KRTAP1-5: variants seen among roughly 807,000 people sequenced by gnomAD.
KRTAP1-5 encodes the protein keratin associated protein 1-5, also known as keratin-associated protein 1-5.
In KRTAP1-5, 10 loss-of-function variants were observed where a neutral mutation model predicts 14.2. The observed-to-expected ratio is 0.70, with a 90% CI of 0.43 to 1.19. The LOEUF is 1.19. KRTAP1-5 is among the 50% of genes most tolerant of loss of function. KRTAP1-5 has a pLI of 0.00. For missense variants in KRTAP1-5, 234 were observed against 223.5 expected, an observed-to-expected ratio of 1.05 and a Z score of -0.30; for synonymous variants, 107 against 80.2, an observed-to-expected ratio of 1.33 and a Z score of -1.79.
chr17:41,026,537 A>G lies in KRTAP1-5; in HGVS notation c.*94T>C. The G allele has an allele frequency of 7.4e-7, 1 of 1,360,042 alleles. No individual in the cohort carries two copies. The highest frequency in any genetic ancestry group is 1.0e-6 in the Non-Finnish European group (1 of 992,142). The allele number at this position is 1,360,042 out of a possible 1,614,324, so 84.2% of individuals were successfully genotyped here. On this transcript the variant is annotated 3_prime_UTR_variant, in exon 1 of 1. Transcript: ENST00000361883. ...GTAGTCTCCATCACAAGCAATGCAA[A>G]GTCTGAGAACTTGTTAGTGGTCCAG...
chr17:41,027,053 A>G lies in KRTAP1-5; in HGVS notation c.103T>C (p.Cys35Arg), dbSNP rs750305532. The change falls in exon 1 of 1, where the codon TGC (cysteine) becomes CGC (arginine). Residue 35 changes from cysteine to arginine, a missense_variant. Cys to Arg is a radical substitution (Grantham distance 180, BLOSUM62 -3). Transcript: ENST00000361883. ...CTAGTCTGGCAGCTGCGTGGCTGGC[A>G]GCAGCTGGTCTCACAGCAGCTTGGC... ...CQPSCCETSCCQPRSCQTSFC... is the reference protein window; with the variant it reads ...CQPSCCETSCRQPRSCQTSFC... 1 of 1,613,192 alleles carries G rather than the reference A, an allele frequency of 6.2e-7. No homozygotes were observed. Among genetic ancestry groups the G allele is most frequent in the Non-Finnish European group, 8.5e-7 (1 of 1,179,852 alleles).
Position 41,026,609 on chromosome 17 carries a change from T to A in KRTAP1-5, c.*22A>T. 1 of 1,575,664 alleles carries A rather than the reference T, an allele frequency of 6.3e-7. No individual in the cohort carries two copies. On this transcript the variant is annotated 3_prime_UTR_variant, in exon 1 of 1. Coordinates refer to ENST00000361883, the MANE Select transcript of KRTAP1-5 (RefSeq NM_031957.2). ...TTCAGAGACACTGTGACCTAGGCAA[T>A]TGAAAATAAGCAAACTGGCTTTCAG...
rs148755068 is a variant in KRTAP1-5 at position 41,026,117 on chromosome 17, T to C, written c.*514A>G. Reference sequence around the variant, plus strand: ...AAATATCCAGCAGGCAAGATCATTATGATCCAAAAACCAAGGGATGGATCA... The same window carrying C: ...AAATATCCAGCAGGCAAGATCATTACGATCCAAAAACCAAGGGATGGATCA... On this transcript the variant is annotated 3_prime_UTR_variant, in exon 1 of 1. Transcript: ENST00000361883. 1,202 of 154,562 alleles carry C rather than the reference T, an allele frequency of 7.8e-3. 16 individuals carry two copies. The highest frequency in any genetic ancestry group is 0.027 in the African/African-American group (1,123 of 41,632). 9.6% of individuals were successfully genotyped at this position (154,562 alleles called of 1,614,324 possible).
At position 41,026,844 on chromosome 17, in the gene KRTAP1-5, G is replaced by A. The variant is rs187189912; in HGVS notation, c.312C>T (p.Gly104=). The part of the protein sequence containing the change: ...GCGIGGGISY[G]QEGSSGAVST... ...TCACAGCTCCACTGCTGCCCTCCTG[G>A]CCATAGCTGATGCCACCACCAATGC... The change falls in exon 1 of 1, where the codon GGC becomes GGT. Residue 104 remains glycine, a synonymous_variant. Coordinates refer to ENST00000361883, the MANE Select transcript of KRTAP1-5 (RefSeq NM_031957.2). 16 of 1,612,492 alleles carry A rather than the reference G, an allele frequency of 9.9e-6. No homozygotes were observed. The highest frequency in any genetic ancestry group is 6.7e-5 in the Admixed American group (4 of 60,004).
In KRTAP1-5 at chr17:41,026,582, A is replaced by G. The variant is rs1443494005; in HGVS notation, c.*49T>C. 5 of 1,544,622 alleles carry G rather than the reference A, an allele frequency of 3.2e-6. No homozygotes were observed. In the East Asian group the frequency reaches 6.8e-5, roughly 21 times the overall value. On this transcript the variant is annotated 3_prime_UTR_variant, in exon 1 of 1. Transcript: ENST00000361883. ...GTCCAGAGGTGGTCAAGGGATGAAC[A>G]GTTCAGAGACACTGTGACCTAGGCA...
Position 41,026,808 on chromosome 17 carries a change from G to A in KRTAP1-5, c.348C>T (p.Ile116=), listed in dbSNP as rs1490367598. 2 of 1,612,934 alleles carry A rather than the reference G, an allele frequency of 1.2e-6. No homozygotes were observed. The highest frequency in any genetic ancestry group is 2.2e-5 in the East Asian group (1 of 44,886). Residue 116 remains isoleucine, a synonymous_variant, in exon 1 of 1, where the codon ATC becomes ATT. Coordinates refer to ENST00000361883, the MANE Select transcript of KRTAP1-5 (RefSeq NM_031957.2). Reference sequence around the variant, plus strand: ...CACGACTGTCTGGGCGGCACCACCTGATACGGGTGCTCACAGCTCCACTGC... The same window carrying A: ...CACGACTGTCTGGGCGGCACCACCTAATACGGGTGCTCACAGCTCCACTGC... ...EGSSGAVSTR[I]RWCRPDSRVE... is the part of the protein sequence containing the mutation.
chr17:41,026,634 GC>G, the KRTAP1-5 span: 2 of 1,595,120 alleles, frequency 1.3e-6, no homozygotes, highest in Non-Finnish European at 1.7e-6. Context: ...CTGGCTTTCA[GC>G]AAGTGGGCTC....
Position 41,026,051 on chromosome 17 carries a change from A to G in KRTAP1-5, c.*580T>C, listed in dbSNP as rs1375636722. ...TTTCTTTGCCTAGTATATAATATTT[A>G]TTAAGAAATGACAGAAGACATTGTA... On this transcript the variant is annotated 3_prime_UTR_variant, in exon 1 of 1. Coordinates refer to ENST00000361883, the MANE Select transcript of KRTAP1-5 (RefSeq NM_031957.2). 1 of 152,430 alleles carries G rather than the reference A, an allele frequency of 6.6e-6. No homozygotes were observed. The highest frequency in any genetic ancestry group is 1.5e-5 in the Non-Finnish European group (1 of 68,218). 9.4% of individuals were successfully genotyped at this position (152,430 alleles called of 1,614,324 possible).
rs762090355 is a variant in KRTAP1-5 at position 41,026,859 on chromosome 17, A to G, written c.297T>C (p.Gly99=). Reference sequence around the variant, plus strand: ...TGCCCTCCTGGCCATAGCTGATGCCACCACCAATGCCACAGCCAGTTCCGC... The same window carrying G: ...TGCCCTCCTGGCCATAGCTGATGCCGCCACCAATGCCACAGCCAGTTCCGC... ...SSCGTGCGIG[G]GISYGQEGSS... Residue 99 remains glycine (G), a synonymous_variant, in exon 1 of 1, where the codon GGT becomes GGC. Transcript: ENST00000361883. The G allele has an allele frequency of 3.1e-6, 5 of 1,612,194 alleles. No homozygotes were observed. The East Asian group carries it at 1.1e-4, about 36-fold the overall frequency.
At position 41,026,995 on chromosome 17, in the gene KRTAP1-5, C is replaced by G; in HGVS notation, c.161G>C (p.Gly54Ala). 6.2e-7 allele frequency: 1 copy of G among 1,608,788 alleles called. No individual in the cohort carries two copies. Among genetic ancestry groups the G allele is most frequent in the South Asian group, 1.1e-5 (1 of 90,654 alleles). Residue 54 changes from glycine (G) to alanine (A), a missense_variant, in exon 1 of 1, where the codon GGG (glycine) becomes GCG (alanine). Transcript: ENST00000361883. ...FCGFPSFSTSGTCSSSCCQPS... is the reference protein window; with the variant it reads ...FCGFPSFSTSATCSSSCCQPS... The stretch of plus-strand genomic sequence containing the variant: ...CTGGCAGCAACTGGAGCTGCAGGTC[C>G]CACTGGTTGAGAAGCTGGGAAATCC...
Position 41,026,750 on chromosome 17 carries a change from C to G in KRTAP1-5, c.406G>C (p.Val136Leu), listed in dbSNP as rs1371916929. The change falls in exon 1 of 1, where the codon GTG (valine) becomes CTG (leucine). Residue 136 changes from valine to leucine, a missense_variant. Coordinates refer to ENST00000361883, the MANE Select transcript of KRTAP1-5 (RefSeq NM_031957.2). The part of the protein sequence containing the change: ...EGTYLPPCCV[V>L]SCTPPSCCQL... The stretch of plus-strand genomic sequence containing the variant: ...CAGCAGGATGGGGGCGTGCAGCTCA[C>G]CACACAGCAGGGGGGTAGGTAGGTG... 6.2e-7 allele frequency: 1 copy of G among 1,613,174 alleles called. No individual in the cohort carries two copies.
rs145305244 is a variant in KRTAP1-5 at position 41,026,348 on chromosome 17, A to G, written c.*283T>C. ...TGGATAGTTCTCATGGATAAATTCCACAACATGTCAGTAATTTTTAATCCT... is the reference window on the plus strand; with the variant it reads ...TGGATAGTTCTCATGGATAAATTCCGCAACATGTCAGTAATTTTTAATCCT... On this transcript the variant is annotated 3_prime_UTR_variant, in exon 1 of 1. Coordinates refer to ENST00000361883, the MANE Select transcript of KRTAP1-5 (RefSeq NM_031957.2). 5.1e-4 allele frequency: 215 copies of G among 425,364 alleles called. No individual in the cohort carries two copies. Among genetic ancestry groups the G allele is most frequent in the African/African-American group, 4.0e-3 (199 of 50,364 alleles). 26.3% of individuals were successfully genotyped at this position (425,364 alleles called of 1,614,324 possible). A position where few individuals can be genotyped will look rare whatever the true frequency, so the allele number is the denominator to read the frequency against.
In KRTAP1-5 at chr17:41,026,800, C is replaced by T. The variant is rs567040206; in HGVS notation, c.356G>A (p.Cys119Tyr). Residue 119 changes from cysteine to tyrosine, a missense_variant, in exon 1 of 1, where the codon TGC becomes TAC. Coordinates refer to ENST00000361883, the MANE Select transcript of KRTAP1-5 (RefSeq NM_031957.2). ...SGAVSTRIRW[C>Y]RPDSRVEGTY... ...GCCCTCCACACGACTGTCTGGGCGG[C>T]ACCACCTGATACGGGTGCTCACAGC... is the stretch of plus-strand genomic sequence containing the variant. The T allele has an allele frequency of 6.2e-7, 1 of 1,613,106 alleles. No homozygotes were observed. Among genetic ancestry groups the T allele is most frequent in the Admixed American group, 1.7e-5 (1 of 60,022 alleles).
rs1410947825 is a variant in KRTAP1-5 at position 41,026,755 on chromosome 17, C to T, written c.401G>A (p.Cys134Tyr). 1 of 1,612,918 alleles carries T rather than the reference C, an allele frequency of 6.2e-7. No individual in the cohort carries two copies. Among genetic ancestry groups the T allele is most frequent in the South Asian group, 1.1e-5 (1 of 91,006 alleles). ...RVEGTYLPPC[C>Y]VVSCTPPSCC... Reference sequence around the variant, plus strand: ...GGATGGGGGCGTGCAGCTCACCACACAGCAGGGGGGTAGGTAGGTGCCCTC... The same window carrying T: ...GGATGGGGGCGTGCAGCTCACCACATAGCAGGGGGGTAGGTAGGTGCCCTC... Residue 134 changes from cysteine (C) to tyrosine (Y), a missense_variant, in exon 1 of 1, where the codon TGT (cysteine) becomes TAT (tyrosine). By Grantham distance (194) the Cys-to-Tyr change is radical. Transcript: ENST00000361883.
chr17:41,026,856 G>A lies in KRTAP1-5; in HGVS notation c.300C>T (p.Gly100=). The A allele has an allele frequency of 1.2e-6, 2 of 1,612,548 alleles. No individual in the cohort carries two copies. The highest frequency in any genetic ancestry group is 8.5e-7 in the Non-Finnish European group (1 of 1,179,970). The change falls in exon 1 of 1, where the codon GGC becomes GGT. Residue 100 remains glycine (G), a synonymous_variant. Transcript: ENST00000361883. ...TGCTGCCCTCCTGGCCATAGCTGAT[G>A]CCACCACCAATGCCACAGCCAGTTC... ...SCGTGCGIGG[G]ISYGQEGSSG...
At position 41,027,175 on chromosome 17, in the gene KRTAP1-5, A is replaced by G; in HGVS notation, c.-20T>C. 1 of 1,611,284 alleles carries G rather than the reference A, an allele frequency of 6.2e-7. No individual in the cohort carries two copies. Among genetic ancestry groups the G allele is most frequent in the Non-Finnish European group, 8.5e-7 (1 of 1,177,826 alleles). The stretch of plus-strand genomic sequence containing the variant: ...GGTCATGGTGTCAGAAGTTGGGTTA[A>G]GAGTTAGGTTGCTTGGAGGAGTTTC... On this transcript the variant is annotated 5_prime_UTR_variant, in exon 1 of 1. Coordinates refer to ENST00000361883, the MANE Select transcript of KRTAP1-5 (RefSeq NM_031957.2).
rs1241651320 is a variant in KRTAP1-5, at chr17:41,026,591, A to G, written c.*40T>C. The G allele has an allele frequency of 6.4e-7, 1 of 1,561,542 alleles. No homozygotes were observed. Among genetic ancestry groups the G allele is most frequent in the Non-Finnish European group, 8.7e-7 (1 of 1,150,978 alleles). On this transcript the variant is annotated 3_prime_UTR_variant, in exon 1 of 1. Transcript: ENST00000361883. Reference sequence around the variant, plus strand: ...TGGTCAAGGGATGAACAGTTCAGAGACACTGTGACCTAGGCAATTGAAAAT... The same window carrying G: ...TGGTCAAGGGATGAACAGTTCAGAGGCACTGTGACCTAGGCAATTGAAAAT...
Position 41,026,532 on chromosome 17 carries a change from T to C in KRTAP1-5, c.*99A>G. 1 of 1,317,562 alleles carries C rather than the reference T, an allele frequency of 7.6e-7. No individual in the cohort carries two copies. Among genetic ancestry groups the C allele is most frequent in the Non-Finnish European group, 1.0e-6 (1 of 953,720 alleles). 81.6% of individuals were successfully genotyped at this position (1,317,562 alleles called of 1,614,324 possible). On this transcript the variant is annotated 3_prime_UTR_variant, in exon 1 of 1. Transcript: ENST00000361883. ...ACTTAGTAGTCTCCATCACAAGCAA[T>C]GCAAAGTCTGAGAACTTGTTAGTGG...
In KRTAP1-5 at chr17:41,026,374, G is replaced by T. The variant is rs1597943838; in HGVS notation, c.*257C>A. ...CAACATGTCAGTAATTTTTAATCCT[G>T]CAGAAATATCAGAAATAGTATATCC... is the stretch of plus-strand genomic sequence containing the variant. On this transcript the variant is annotated 3_prime_UTR_variant, in exon 1 of 1. Transcript: ENST00000361883. 11 of 452,280 alleles carry T rather than the reference G, an allele frequency of 2.4e-5. No individual in the cohort carries two copies. The East Asian group carries it at 3.6e-4, about 15-fold the overall frequency. The allele number at this position is 452,280 out of a possible 1,614,324, so 28.0% of individuals were successfully genotyped here. A position where few individuals can be genotyped will look rare whatever the true frequency, so the allele number is the denominator to read the frequency against.
Sources: gnomAD v4.1 joint callset for allele counts on GRCh38, gnomAD v4.1.1 for gene constraint, MANE v1.5 for transcripts, NCBI Gene and HGNC (gene_info 2026-07-23, HGNC 2026-07-21) for gene names.